Variants in PCDHGB3 observed in about 807,000 individuals in gnomAD.
The protein encoded by PCDHGB3 is protocadherin gamma-B3.
Under a neutral mutation model 59.2 loss-of-function variants are expected in PCDHGB3, and 40 were observed. The observed-to-expected ratio is 0.68, with a 90% confidence interval of 0.52 to 0.88. The LOEUF is 0.88. PCDHGB3 is among the 40% of genes least tolerant of loss of function. The probability of loss-of-function intolerance (pLI) is 0.00; values close to 1 mark genes in which losing one functional copy is unlikely to be tolerated. For missense variants in PCDHGB3, 1,309 were observed against 1,187.9 expected (o/e 1.10, Z -1.50); for synonymous variants, 581 against 503.6 (o/e 1.15, Z -2.06).
intron 1 of PCDHGB3, chr5:141,394,606 C>T (rs747606142): frequency 3.1e-6 from 5 of 1,613,486 alleles, no homozygotes; most frequent in Admixed American, 1.7e-5. Context: ...GACAGAGACT[C>T]GGGCCAGAAC....
intron 1 of PCDHGB3, among the ~76,000 whole-genome samples, chr5:141,456,179 A>G (rs1161415053): frequency 6.6e-6 from 1 of 151,860 alleles, no homozygotes; most frequent in Non-Finnish European, 1.5e-5. Context: ...TTACAGAATA[A>G]TTTCTTAATA....
chr5:141,477,037 G>A lies in PCDHGB3; in HGVS notation c.2416-17770G>A. ...TTGTAACCGGGATGCTGACAATCAAGGGTCGGCTGGACTTCGAGGACACCA... is the reference window on the plus strand; with the variant it reads ...TTGTAACCGGGATGCTGACAATCAAAGGTCGGCTGGACTTCGAGGACACCA... On this transcript the variant is annotated intron_variant, in intron 1 of 3. Coordinates refer to ENST00000576222, the MANE Select transcript of PCDHGB3 (RefSeq NM_018924.5). This position sits in a 1 kb window ranked among gnomAD's most constrained non-coding sequence, Gnocchi z 4.9. 6.2e-7 allele frequency: 1 copy of A among 1,614,266 alleles called. No individual in the cohort carries two copies. The highest frequency in any genetic ancestry group is 8.5e-7 in the Non-Finnish European group (1 of 1,180,052).
intron 1 of PCDHGB3, chr5:141,441,802 T>C (rs2098274220): frequency 2.6e-6 from 1 of 382,538 alleles, no homozygotes; most frequent in South Asian, 2.1e-5. Flanking sequence ...GCACCGCGGG[T>C]GCTGTACCCC....
intron 1 of PCDHGB3, among the ~76,000 whole-genome samples, chr5:141,438,620 A>G (rs2098023964): frequency 1.0e-4 from 4 of 39,044 alleles, no homozygotes; most frequent in African/African-American, 8.0e-4. Flanking sequence ...ATATATATAT[A>G]TATATATATA....
intron 1 of PCDHGB3, chr5:141,388,397 A>G (rs375367492): frequency 2.9e-4 from 463 of 1,613,838 alleles, no homozygotes; most frequent in Non-Finnish European, 3.7e-4. Context: ...AGAATTACCA[A>G]CTCAGTCCCA....
intron 1 of PCDHGB3, chr5:141,414,197 T>C: frequency 3.1e-6 from 5 of 1,611,210 alleles, no homozygotes; most frequent in Non-Finnish European, 4.2e-6. Flanking sequence ...TTGATTACAG[T>C]AGAAGATGTA....
intron 1 of PCDHGB3, chr5:141,419,164 C>G: frequency 6.2e-7 from 1 of 1,613,966 alleles, no homozygotes; most frequent in Non-Finnish European, 8.5e-7. Context: ...TATCCTCCAG[C>G]AAAACCATAA....
intron 1 of PCDHGB3, chr5:141,384,711 G>A (rs765373675): frequency 2.5e-6 from 4 of 1,614,042 alleles, no homozygotes; most frequent in East Asian, 2.2e-5. Flanking sequence ...ACGCCTGGCT[G>A]TCATACCTCC....
intron 1 of PCDHGB3, chr5:141,441,249 T>TA (rs981387539): frequency 2.0e-5 from 3 of 152,206 alleles, no homozygotes. Context: ...ACAAGATCTT[T>TA]AAATCACAAG....
chr5:141,432,991 C>G lies in PCDHGB3; in HGVS notation c.2415+60182C>G, dbSNP rs1269992849. ...CGGCGTCGCACTTTGTGGGCGTGGACGGGGTGCAGGCTTTCCTGCAGACCT... is the reference window on the plus strand; with the variant it reads ...CGGCGTCGCACTTTGTGGGCGTGGAGGGGGTGCAGGCTTTCCTGCAGACCT... On this transcript the variant is annotated intron_variant, in intron 1 of 3. Transcript: ENST00000576222. The surrounding 1 kb of genome is among the most constrained non-coding windows in gnomAD (Gnocchi z 6.0). The G allele has an allele frequency of 6.2e-7, 1 of 1,614,200 alleles. No homozygotes were observed. Among genetic ancestry groups the G allele is most frequent in the Admixed American group, 1.7e-5 (1 of 60,032 alleles).
rs554003983 is a variant in PCDHGB3, at chr5:141,415,548, A to T, written c.2415+42739A>T. 10 of 1,614,160 alleles carry T rather than the reference A, an allele frequency of 6.2e-6. No individual in the cohort carries two copies. The East Asian group carries it at 1.8e-4, about 29-fold the overall frequency. ...TCATCAGCCAGGAGAGCTGTGAGAA[A>T]AACGATCCTTTGTCTTTGTTAGATG... On this transcript the variant is annotated intron_variant, in intron 1 of 3. Coordinates refer to ENST00000576222, the MANE Select transcript of PCDHGB3 (RefSeq NM_018924.5).
intron 1 of PCDHGB3, chr5:141,398,825 C>A (rs747230922): frequency 6.2e-7 from 1 of 1,613,994 alleles, no homozygotes; most frequent in South Asian, 1.1e-5. Flanking sequence ...ATCCAGGTAA[C>A]CGACGCCAAT....
intron 1 of PCDHGB3, chr5:141,388,479 C>T (rs1345463224): frequency 4.3e-6 from 7 of 1,613,652 alleles, no homozygotes; most frequent in Non-Finnish European, 1.7e-6. Flanking sequence ...ATTGAAGACA[C>T]CTTTGGACAG....
At chr5:141,425,448 C>G (rs897473729) in intron 1 of PCDHGB3, among the ~76,000 whole-genome samples, 1 of 152,164 alleles carries the variant, frequency 6.6e-6, no homozygotes, top group African/African-American at 2.4e-5. Flanking sequence ...AAATAAAACA[C>G]CATCACATTT....
chr5:141,477,566 C>T lies in PCDHGB3; in HGVS notation c.2416-17241C>T, dbSNP rs749100730. On this transcript the variant is annotated intron_variant, in intron 1 of 3. Coordinates refer to ENST00000576222, the MANE Select transcript of PCDHGB3 (RefSeq NM_018924.5). The surrounding 1 kb of genome is among the most constrained non-coding windows in gnomAD (Gnocchi z 4.9). ...AATACTAAACCTAAGTGTCTGGGAC[C>T]CCGACGCCCCGCAGAATGCTCGGCT... The T allele has an allele frequency of 1.9e-6, 3 of 1,613,988 alleles. No homozygotes were observed. The highest frequency in any genetic ancestry group is 8.5e-7 in the Non-Finnish European group (1 of 1,180,032).
chr5:141,376,310 G>A (rs1211342702), intron 1 of PCDHGB3: 5 of 1,613,822 alleles, frequency 3.1e-6, no homozygotes, highest in East Asian at 2.2e-5. Flanking sequence ...CTTTGTGGGC[G>A]TGGAAGGGGT....
At chr5:141,497,500 T>G (rs1468175808) in intron 2 of PCDHGB3, among the ~76,000 whole-genome samples, 2 of 151,562 alleles carry the variant, frequency 1.3e-5, no homozygotes, top group Non-Finnish European at 2.9e-5. Context: ...CTCTCTCCTC[T>G]CTCTGCTTCC....
chr5:141,389,137 T>C, intron 1 of PCDHGB3: 1 of 1,614,020 alleles, frequency 6.2e-7, no homozygotes. Flanking sequence ...GAGTACAATA[T>C]AACCGTTACG....
In PCDHGB3 at chr5:141,380,718, C is replaced by T. The variant is rs1776684550; in HGVS notation, c.2415+7909C>T. Among the ~76,000 whole-genome samples the T allele has an allele frequency of 2.6e-5, 4 of 152,158 alleles. No homozygotes were observed. In the South Asian group the frequency reaches 8.3e-4, roughly 32 times the overall value. On this transcript the variant is annotated intron_variant, in intron 1 of 3. Transcript: ENST00000576222. ...GTAGTCTATAATTTAATTTAACTAG[C>T]TCTTATTTCCTTTTCTCCAAAGAAG...
Sources: gnomAD v4.1 joint callset for allele counts (sites outside exome capture counted in the v4.1 genomes callset) on GRCh38, gnomAD v4.1.1 for gene constraint, Gnocchi (gnomAD v3.1) non-coding constraint, MANE v1.5 for transcripts, NCBI Gene and HGNC (gene_info 2026-07-23, HGNC 2026-07-21) for gene names.